The following KHDRBS2 variants were observed in gnomAD, a reference collection of about 807,000 sequenced individuals.
KHDRBS2 encodes KH domain-containing, RNA-binding, signal transduction-associated protein 2.
In KHDRBS2, 26 loss-of-function variants were observed where a neutral mutation model predicts 44.3. That is an observed-to-expected ratio of 0.59 (90% CI 0.43 to 0.81). KHDRBS2 has a LOEUF of 0.81. Among genes scored for constraint, KHDRBS2 ranks in the 40% least tolerant of loss-of-function variants. The pLI, the probability that KHDRBS2 is intolerant of heterozygous loss-of-function variation, is 0.00. For synonymous variants in KHDRBS2, 194 were observed against 151.1 expected (o/e 1.28, Z -2.08); for missense variants, 476 against 433.1 (o/e 1.10, Z -0.88).
At position 62,111,818 on chromosome 6, in the gene KHDRBS2, G is replaced by C. The variant is rs554276380; in HGVS notation, c.220-63824C>G. On this transcript the variant is annotated intron_variant, in intron 2 of 8. Coordinates refer to ENST00000281156, the MANE Select transcript of KHDRBS2 (RefSeq NM_152688.4). ...GATCACTTGAGGCCAGCAGTTTGAG[G>C]CTGCGATGAGCTGTGATCATACCAT... is the stretch of plus-strand genomic sequence containing the variant. Among the ~76,000 whole-genome samples, 10 of 152,146 alleles carry C rather than the reference G, an allele frequency of 6.6e-5. No individual in the cohort carries two copies. In the South Asian group the frequency reaches 1.9e-3, roughly 28 times the overall value.
chr6:62,190,112 G>A (rs1032787936), intron 1 of KHDRBS2, among the ~76,000 whole-genome samples: 4 of 151,904 alleles, frequency 2.6e-5, no homozygotes, highest in African/African-American at 9.7e-5. Context: ...AGTAAGAAGG[G>A]GCAATGAATG....
At chr6:61,874,233 T>C (rs1303371768) in intron 6 of KHDRBS2, among the ~76,000 whole-genome samples, 3 of 152,166 alleles carry the variant, frequency 2.0e-5, no homozygotes, top group Non-Finnish European at 4.4e-5. Context: ...AAAAATAGCT[T>C]TAATAGTATA....
chr6:62,132,821 T>C (rs752985146), intron 2 of KHDRBS2, among the ~76,000 whole-genome samples: 55 of 152,212 alleles, frequency 3.6e-4, no homozygotes, highest in Non-Finnish European at 1.5e-4. Context: ...ATCCCATAAA[T>C]TCCAGCATCA....
intron 4 of KHDRBS2, among the ~76,000 whole-genome samples, chr6:61,913,310 C>A (rs1219671658): frequency 6.6e-6 from 1 of 151,804 alleles, no homozygotes; most frequent in Non-Finnish European, 1.5e-5. Context: ...CTGTCCTTTG[C>A]CTGAGGTGGG....
intron 4 of KHDRBS2, among the ~76,000 whole-genome samples, chr6:61,938,382 T>G (rs541164611): frequency 1.3e-5 from 2 of 152,240 alleles, no homozygotes; most frequent in Admixed American, 6.5e-5. Context: ...AGAAACAGGA[T>G]ATGCTATAAA....
At chr6:61,797,725 TTGTGTGTGTGTG>T (rs56038952) in intron 6 of KHDRBS2, among the ~76,000 whole-genome samples, 129 of 114,822 alleles carry the variant, frequency 1.1e-3, no homozygotes, top group South Asian at 7.1e-3. Flanking sequence ...GTATGGTGTT[TTGTGTGTGTGTG>T]TGTGTGTGTG....
intron 7 of KHDRBS2, among the ~76,000 whole-genome samples, chr6:61,727,830 T>C (rs1035791286): frequency 2.6e-5 from 4 of 152,106 alleles, no homozygotes; most frequent in African/African-American, 9.7e-5. Flanking sequence ...TGGTGGGAGC[T>C]TAAATTAGTT....
intron 2 of KHDRBS2, among the ~76,000 whole-genome samples, chr6:62,056,221 A>C (rs575096105): frequency 6.6e-6 from 1 of 152,122 alleles, no homozygotes; most frequent in South Asian, 2.1e-4. Flanking sequence ...ATTACTATGA[A>C]ATATTACAGA....
intron 2 of KHDRBS2, among the ~76,000 whole-genome samples, chr6:62,141,019 T>C (rs1812693002): frequency 6.6e-6 from 1 of 152,134 alleles, no homozygotes; most frequent in Non-Finnish European, 1.5e-5. Flanking sequence ...TTAAGGGGTG[T>C]TTGGAAATAT....
chr6:62,048,443 T>C (rs1265396716), intron 2 of KHDRBS2, among the ~76,000 whole-genome samples: 1 of 151,904 alleles, frequency 6.6e-6, no homozygotes, highest in Non-Finnish European at 1.5e-5. Context: ...ATCGATGCTT[T>C]AAATTAGTAT....
intron 3 of KHDRBS2, among the ~76,000 whole-genome samples, chr6:61,979,911 T>A (rs926334716): frequency 6.6e-6 from 1 of 152,186 alleles, no homozygotes; most frequent in Non-Finnish European, 1.5e-5. Context: ...ACTTCCTATG[T>A]TGATTCCCAT....
chr6:62,053,304 T>A (rs1174712752), intron 2 of KHDRBS2, among the ~76,000 whole-genome samples: 1 of 150,596 alleles, frequency 6.6e-6, no homozygotes, highest in East Asian at 2.0e-4. Context: ...ATAACCTTCA[T>A]ACCAAAACCA....
chr6:61,789,067 G>GT (rs1019831643), intron 6 of KHDRBS2, among the ~76,000 whole-genome samples: 13 of 151,270 alleles, frequency 8.6e-5, no homozygotes, highest in Non-Finnish European at 1.5e-4. Flanking sequence ...CAAAATCGTC[G>GT]TAAGAAAACG....
At chr6:61,722,572 T>C (rs1358086330) in intron 7 of KHDRBS2, among the ~76,000 whole-genome samples, 2 of 152,186 alleles carry the variant, frequency 1.3e-5, no homozygotes, top group Non-Finnish European at 2.9e-5. Flanking sequence ...TCTTTTATCT[T>C]AGTTCTACTA....
chr6:62,275,671 A>G (rs1223314573), intron 1 of KHDRBS2, among the ~76,000 whole-genome samples: 1 of 152,196 alleles, frequency 6.6e-6, no homozygotes, highest in Admixed American at 6.5e-5. Flanking sequence ...CACTCTTCTA[A>G]AAGTTTATCA....
chr6:61,639,960 A>C, the KHDRBS2 span, among the ~76,000 whole-genome samples: 7 of 152,072 alleles, frequency 4.6e-5, no homozygotes, highest in African/African-American at 1.7e-4. Flanking sequence ...TAGTAACCAA[A>C]AGTGATGTGT....
chr6:61,609,952 T>A, the KHDRBS2 span, among the ~76,000 whole-genome samples: 271 of 152,262 alleles, frequency 1.8e-3, no homozygotes, highest in African/African-American at 6.0e-3. Context: ...GGCGGGAGGA[T>A]CACGAGGTCA....
the KHDRBS2 span, among the ~76,000 whole-genome samples, chr6:61,671,985 A>G: frequency 6.6e-6 from 1 of 151,906 alleles, no homozygotes; most frequent in East Asian, 2.0e-4. Context: ...TCCTAATGCT[A>G]TCCCTGCCCC....
At chr6:62,252,037 A>C (rs1460076031) in intron 1 of KHDRBS2, among the ~76,000 whole-genome samples, 1 of 151,922 alleles carries the variant, frequency 6.6e-6, no homozygotes, top group African/African-American at 2.4e-5. Flanking sequence ...GATTCTTGGC[A>C]TAGCATTTCA....
Sources: allele counts gnomAD v4.1 joint callset (sites outside exome capture counted in the v4.1 genomes callset), GRCh38; gene constraint gnomAD v4.1.1; transcripts MANE v1.5; gene names NCBI Gene and HGNC (gene_info 2026-07-23, HGNC 2026-07-21).